Variants in RAD50 observed in about 807,000 individuals in gnomAD.
The protein encoded by RAD50 is DNA repair protein RAD50.
Under a neutral mutation model 168.8 loss-of-function variants are expected in RAD50, and 132 were observed. That is an observed-to-expected ratio of 0.78 (90% confidence interval 0.68 to 0.90). The LOEUF is 0.90. Among genes scored for constraint, RAD50 ranks in the 40% least tolerant of loss-of-function variants. The pLI is 0.00. For missense variants in RAD50, 1,347 were observed against 1,534.4 expected (o/e 0.88, Z 2.04); for synonymous variants, 525 against 497.4 (o/e 1.06, Z -0.74).
rs876660559 is a variant in RAD50, at chr5:132,591,396, C to G, written c.1625C>G (p.Thr542Ser). 6.2e-7 allele frequency: 1 copy of G among 1,613,342 alleles called. No homozygotes were observed. The highest frequency in any genetic ancestry group is 2.2e-5 in the East Asian group (1 of 44,846). The change falls in exon 10 of 25, where the codon ACC (threonine) becomes AGC (serine). Residue 542 changes from threonine (T) to serine (S), a missense_variant. By Grantham distance (58) the Thr-to-Ser change is moderately conservative. This residue lies in a region of RAD50 where 703 missense variants were observed against 767.7 expected (regional missense o/e 0.92). Transcript: ENST00000378823. The part of the protein sequence containing the change: ...TTTRTQMEML[T>S]KDKADKDEQI... ...ACACGTACCCAAATGGAGATGCTGA[C>G]CAAAGACAAAGTATGATTTTTCTTT...
chr5:132,577,791 AC>A (rs1237019593), intron 3 of RAD50, among the ~76,000 whole-genome samples: 1 of 108,874 alleles, frequency 9.2e-6, no homozygotes, highest in Non-Finnish European at 1.9e-5. Flanking sequence ...AGACCTATTT[AC>A]CCATTTCTGA....
At chr5:132,576,337 A>T (rs1317237060) in intron 3 of RAD50, among the ~76,000 whole-genome samples, 2 of 152,240 alleles carry the variant, frequency 1.3e-5, no homozygotes, top group African/African-American at 2.4e-5. Flanking sequence ...AATGGGTGAG[A>T]TGAGAAGCAG....
At position 132,566,252 on chromosome 5, in the gene RAD50, T is replaced by G. The variant is rs373669156; in HGVS notation, c.213+6885T>G. Among the ~76,000 whole-genome samples the G allele has an allele frequency of 3.3e-5, 5 of 152,212 alleles. No individual in the cohort carries two copies. In the East Asian group the frequency reaches 9.6e-4, roughly 29 times the overall value. ...TGAATTCTATTTACTAATTTGATGT[T>G]TGCCGGGTAGCTAGGTCCTCGAAAA... is the stretch of plus-strand genomic sequence containing the variant. On this transcript the variant is annotated intron_variant, in intron 2 of 24. Coordinates refer to ENST00000378823, the MANE Select transcript of RAD50 (RefSeq NM_005732.4).
At chr5:132,558,350 C>G (rs974256686) in intron 1 of RAD50, among the ~76,000 whole-genome samples, 4 of 151,932 alleles carry the variant, frequency 2.6e-5, no homozygotes, top group African/African-American at 9.7e-5. Flanking sequence ...TATTAGTTGT[C>G]TGATTGTTTG....
At chr5:132,608,541 A>T in intron 16 of RAD50, 74 bp from the exon 17 acceptor site, 1 of 1,311,348 alleles carries the variant, frequency 7.6e-7, no homozygotes, top group Non-Finnish European at 1.0e-6. Flanking sequence ...TGCTTTTATT[A>T]AGACTGTGAA....
chr5:132,611,083 A>T (rs1458538854), intron 19 of RAD50, among the ~76,000 whole-genome samples: 1 of 152,198 alleles, frequency 6.6e-6, no homozygotes, highest in African/African-American at 2.4e-5. Flanking sequence ...CTTGCTGAAG[A>T]TTCTAGTAGT....
chr5:132,585,239 G>C (rs1377195196), intron 5 of RAD50, among the ~76,000 whole-genome samples: 1 of 152,116 alleles, frequency 6.6e-6, no homozygotes, highest in East Asian at 1.9e-4. Context: ...TAAGTTACCA[G>C]ATGGCTGTAC....
In RAD50 at chr5:132,637,224, A is replaced by G. The variant is rs137906075; in HGVS notation, c.3475+24A>G. On this transcript the variant is annotated intron_variant, in intron 22 of 24. Transcript: ENST00000378823. ...AGGTGAGTACCATGGTGTATCACAA[A>G]TGCTCTTTCCAAAGCCCTCTCCGCA... is the stretch of plus-strand genomic sequence containing the variant. The G allele has an allele frequency of 0.043, 69,649 of 1,606,226 alleles. 1,746 individuals are homozygous for G. The highest frequency in any genetic ancestry group is 0.092 in the Middle Eastern group (554 of 6,016).
chr5:132,585,045 A>G (rs1580990478), intron 5 of RAD50, among the ~76,000 whole-genome samples: 2 of 152,108 alleles, frequency 1.3e-5, no homozygotes, highest in South Asian at 2.1e-4. Flanking sequence ...ACATGTATAC[A>G]TATGTAACAA....
chr5:132,617,894 G>C (rs984755021), intron 20 of RAD50, among the ~76,000 whole-genome samples, 176 bp from the exon 21 acceptor site: 1 of 152,194 alleles, frequency 6.6e-6, no homozygotes, highest in African/African-American at 2.4e-5. Flanking sequence ...GGAAGGAAGA[G>C]AGGGGTTTTC....
chr5:132,623,502 A>T (rs779607059), intron 21 of RAD50, among the ~76,000 whole-genome samples: 2 of 152,160 alleles, frequency 1.3e-5, no homozygotes, highest in Admixed American at 6.5e-5. Flanking sequence ...TAACAGTAAT[A>T]ATAATAACCC....
At position 132,621,242 on chromosome 5, in the gene RAD50, G is replaced by A. The variant is rs116156447; in HGVS notation, c.3389+2948G>A. ...CAGACCTCGATCAAAAATTTGAGAG[G>A]TAGGGCCCAGCAGTCTATTTTTGAC... On this transcript the variant is annotated intron_variant, in intron 21 of 24. Transcript: ENST00000378823. 1.5e-3 allele frequency among the ~76,000 whole-genome samples: 233 copies of A among 152,282 alleles called. 1 individual carries two copies. The highest frequency in any genetic ancestry group is 5.2e-3 in the African/African-American group (214 of 41,548).
At chr5:132,602,492 A>G (rs1194673270) in intron 13 of RAD50, among the ~76,000 whole-genome samples, 1 of 152,174 alleles carries the variant, frequency 6.6e-6, no homozygotes, top group Non-Finnish European at 1.5e-5. Context: ...AAATGGGTTG[A>G]CATTTTGTAC....
rs1580994859 is a variant in RAD50 at position 132,591,944 on chromosome 5, GA to G, written c.1704del (p.Tyr569IlefsTer29). On this transcript the variant is annotated frameshift_variant, in exon 11 of 25. Coordinates refer to ENST00000378823, the MANE Select transcript of RAD50 (RefSeq NM_005732.4). LOFTEE classifies it high-confidence loss of function. Reference sequence around the variant, plus strand: ...AGTGATGAATTAACCTCACTGTTGGGATATTTTCCCAACAAAAAACAGCTTG... The same window carrying G: ...AGTGATGAATTAACCTCACTGTTGGGTATTTTCCCAACAAAAAACAGCTTG... The part of the protein sequence containing the change: ...RHSDELTSLL[G>X]YFPNKKQLED... The G allele has an allele frequency of 2.5e-6, 4 of 1,609,964 alleles. No homozygotes were observed. The highest frequency in any genetic ancestry group is 3.4e-6 in the Non-Finnish European group (4 of 1,176,558).
intron 21 of RAD50, among the ~76,000 whole-genome samples, chr5:132,628,965 T>A (rs1751416124): frequency 1.3e-5 from 2 of 152,106 alleles, no homozygotes; most frequent in Admixed American, 1.3e-4. Context: ...AGGGACCAAG[T>A]TAAATAGGCA....
At chr5:132,602,650 C>T (rs545886255) in intron 13 of RAD50, among the ~76,000 whole-genome samples, 1 of 152,238 alleles carries the variant, frequency 6.6e-6, no homozygotes, top group Admixed American at 6.5e-5. Context: ...TCATCCAGCT[C>T]CTCCTGATGT....
chr5:132,608,876 T>G, intron 17 of RAD50, 151 bp downstream of exon 17: 1 of 1,361,352 alleles, frequency 7.3e-7, no homozygotes, highest in Non-Finnish European at 9.8e-7. Flanking sequence ...TTAGAAATTC[T>G]TGTTAGAACA....
chr5:132,610,175 T>G (rs551066176), intron 19 of RAD50, among the ~76,000 whole-genome samples: 4 of 152,088 alleles, frequency 2.6e-5, no homozygotes, highest in African/African-American at 7.2e-5. Context: ...AATAGTCCAT[T>G]TTGTGTATAT....
At chr5:132,605,076 G>T (rs185831341) in intron 16 of RAD50, 77 bp downstream of exon 16, 4 of 1,167,044 alleles carry the variant, frequency 3.4e-6, no homozygotes, top group African/African-American at 3.2e-5. Context: ...AGACAGTCTC[G>T]TTCTGTCACC....
Sources: allele counts gnomAD v4.1 joint callset (sites outside exome capture counted in the v4.1 genomes callset), GRCh38; gene constraint gnomAD v4.1.1; regional missense constraint gnomAD v4.1.1; transcripts MANE v1.5; gene names NCBI Gene and HGNC (gene_info 2026-07-23, HGNC 2026-07-21).